TRPM3: variants seen among roughly 807,000 people sequenced by gnomAD.
TRPM3 encodes the protein transient receptor potential cation channel subfamily M member 3, also known as long transient receptor potential channel 3.
A neutral mutation model predicts 181.2 loss-of-function variants in TRPM3; 77 were observed. The observed-to-expected ratio is 0.42, with a 90% CI of 0.35 to 0.51. The LOEUF (loss-of-function observed/expected upper bound fraction) is 0.51. TRPM3 is among the 20% of genes least tolerant of loss of function. The pLI is 0.01. For missense variants in TRPM3, 1,759 were observed against 2,196.7 expected, an observed-to-expected ratio of 0.80 and a Z score of 3.98; for synonymous variants, 745 against 796.4, an observed-to-expected ratio of 0.94 and a Z score of 1.09.
intron 17 of TRPM3, among the ~76,000 whole-genome samples, chr9:70,618,537 G>A (rs2063136431): frequency 6.6e-6 from 1 of 152,204 alleles, no homozygotes; most frequent in African/African-American, 2.4e-5. Context: ...GCCTAGGTGG[G>A]GACTCCTGGT....
intron 1 of TRPM3, among the ~76,000 whole-genome samples, chr9:70,938,845 C>A (rs769734509): frequency 6.6e-6 from 1 of 151,958 alleles, no homozygotes; most frequent in Non-Finnish European, 1.5e-5. Context: ...GTAGTCCCAG[C>A]TACTTGGGAA....
chr9:70,898,385 G>A (rs191886118), intron 1 of TRPM3, among the ~76,000 whole-genome samples: 2,221 of 151,364 alleles, frequency 0.015, 49 homozygotes, highest in African/African-American at 0.051. Flanking sequence ...GCCTCCCAAA[G>A]TGCTGAGATT....
At chr9:71,008,776 C>T (rs1189725261) in intron 1 of TRPM3, among the ~76,000 whole-genome samples, 3 of 152,144 alleles carry the variant, frequency 2.0e-5, no homozygotes, top group South Asian at 2.1e-4. Flanking sequence ...ACCCAGGAGG[C>T]GGAGGTTGCA....
intron 1 of TRPM3, among the ~76,000 whole-genome samples, chr9:71,021,759 T>C (rs1191889634): frequency 6.6e-6 from 1 of 152,074 alleles, no homozygotes; most frequent in African/African-American, 2.4e-5. Flanking sequence ...TCCTTGAAGG[T>C]GCACAGGTGA....
chr9:70,572,152 G>A (rs1004666368), intron 22 of TRPM3, among the ~76,000 whole-genome samples: 5 of 150,910 alleles, frequency 3.3e-5, no homozygotes, highest in African/African-American at 1.2e-4. Flanking sequence ...CCCACATGAT[G>A]GTGATTTTAA....
At chr9:71,177,029 C>T (rs1400359938) in intron 1 of TRPM3, among the ~76,000 whole-genome samples, 1 of 152,098 alleles carries the variant, frequency 6.6e-6, no homozygotes, top group African/African-American at 2.4e-5. Context: ...AGCCACCTCC[C>T]ATCACTTGCA....
At chr9:71,419,372 T>C (rs868073121) in intron 1 of TRPM3, among the ~76,000 whole-genome samples, 2 of 151,970 alleles carry the variant, frequency 1.3e-5, no homozygotes, top group Non-Finnish European at 2.9e-5. Flanking sequence ...AGAAATTTAT[T>C]CAAATGCGCA....
At chr9:71,190,147 C>T (rs376285395) in intron 1 of TRPM3, among the ~76,000 whole-genome samples, 38 of 151,948 alleles carry the variant, frequency 2.5e-4, no homozygotes, top group African/African-American at 7.5e-4. Context: ...GTGTTGACAG[C>T]TTAATATACA....
intron 1 of TRPM3, among the ~76,000 whole-genome samples, chr9:71,395,310 A>G (rs1288187664): frequency 6.6e-6 from 1 of 152,256 alleles, no homozygotes; most frequent in African/African-American, 2.4e-5. Flanking sequence ...TAACAGCTTC[A>G]GATATAAATG....
chr9:70,604,226 G>C (rs2060589019), intron 19 of TRPM3, among the ~76,000 whole-genome samples: 1 of 152,154 alleles, frequency 6.6e-6, no homozygotes, highest in African/African-American at 2.4e-5. Context: ...CTGGATGTCT[G>C]GGAAGAACTC....
intron 2 of TRPM3, among the ~76,000 whole-genome samples, 173 bp from the exon 3 acceptor site, chr9:70,863,285 T>C (rs577700350): frequency 8.5e-5 from 13 of 152,276 alleles, no homozygotes; most frequent in African/African-American, 2.9e-4. Context: ...CTTTCCATGA[T>C]ATACATATCT....
At chr9:71,231,425 T>C (rs1480145200) in intron 1 of TRPM3, among the ~76,000 whole-genome samples, 5 of 152,184 alleles carry the variant, frequency 3.3e-5, no homozygotes, top group African/African-American at 1.2e-4. Flanking sequence ...TTCTTGAAGC[T>C]AGAACATGAA....
intron 7 of TRPM3, chr9:70,775,792 T>A (rs921157191): frequency 2.0e-5 from 3 of 152,142 alleles, no homozygotes; most frequent in African/African-American, 7.2e-5. Flanking sequence ...GTGAGATTTT[T>A]TTTTTTGTAG....
At chr9:71,004,190 G>T (rs1389257534) in intron 1 of TRPM3, among the ~76,000 whole-genome samples, 14 of 152,212 alleles carry the variant, frequency 9.2e-5, no homozygotes, top group African/African-American at 3.4e-4. Context: ...ACTGGCCAGA[G>T]CCACAGTGCT....
intron 4 of TRPM3, among the ~76,000 whole-genome samples, chr9:70,844,611 C>A (rs1173939938): frequency 6.6e-6 from 1 of 152,210 alleles, no homozygotes; most frequent in Non-Finnish European, 1.5e-5. Flanking sequence ...CATCTGTCTG[C>A]ACAATTCTAT....
intron 1 of TRPM3, among the ~76,000 whole-genome samples, chr9:71,106,683 T>C (rs2069671264): frequency 6.6e-6 from 1 of 152,208 alleles, no homozygotes. Context: ...TTGCCTAACA[T>C]TTTATAGCTG....
chr9:71,363,563 TC>T (rs2092233812), intron 1 of TRPM3, among the ~76,000 whole-genome samples: 1 of 152,214 alleles, frequency 6.6e-6, no homozygotes, highest in Non-Finnish European at 1.5e-5. Flanking sequence ...CTTTTCTGGC[TC>T]TATCCACCTA....
intron 1 of TRPM3, among the ~76,000 whole-genome samples, chr9:71,378,724 G>A (rs1185465300): frequency 6.6e-6 from 1 of 152,008 alleles, no homozygotes; most frequent in African/African-American, 2.4e-5. Flanking sequence ...ATGCCTTTGA[G>A]TTAATACCTT....
At chr9:71,197,653 G>C (rs28765531) in intron 1 of TRPM3, among the ~76,000 whole-genome samples, 215 of 152,168 alleles carry the variant, frequency 1.4e-3, no homozygotes, top group African/African-American at 5.0e-3. Flanking sequence ...GTGTCTTTTG[G>C]CTACATAAAT....
Sources: allele counts gnomAD v4.1 joint callset (sites outside exome capture counted in the v4.1 genomes callset), GRCh38; gene constraint gnomAD v4.1.1; transcripts MANE v1.5; gene names NCBI Gene and HGNC (gene_info 2026-07-23, HGNC 2026-07-21).